Variants in RAB3GAP2 observed in about 807,000 individuals in gnomAD.
The protein encoded by RAB3GAP2 is rab3 GTPase-activating protein non-catalytic subunit.
In RAB3GAP2, 87 loss-of-function variants were observed where a neutral mutation model predicts 185.3. That is an observed-to-expected ratio of 0.47 (90% CI 0.39 to 0.56). RAB3GAP2 has a LOEUF of 0.56. Ranked by LOEUF, RAB3GAP2 falls within the 20% of genes least tolerant of loss-of-function variation. The pLI, the probability that RAB3GAP2 is intolerant of heterozygous loss-of-function variation, is 0.00. For missense variants in RAB3GAP2, 1,492 were observed against 1,638.2 expected, an observed-to-expected ratio of 0.91 and a Z score of 1.54; for synonymous variants, 554 against 576.1, an observed-to-expected ratio of 0.96 and a Z score of 0.55.
chr1:220,243,331 G>A (rs1310568911), intron 1 of RAB3GAP2, among the ~76,000 whole-genome samples: 2 of 148,544 alleles, frequency 1.3e-5, no homozygotes, highest in African/African-American at 5.0e-5. Flanking sequence ...TCCAGCCTGG[G>A]TGACAGAGAG....
intron 3 of RAB3GAP2, 69 bp downstream of exon 3, chr1:220,213,787 C>G: frequency 6.9e-7 from 1 of 1,444,618 alleles, no homozygotes; most frequent in Non-Finnish European, 9.6e-7. Flanking sequence ...ATATTCTTTT[C>G]ACCTAATCCA....
In RAB3GAP2 at chr1:220,154,106, G is replaced by T. The variant is rs763444408; in HGVS notation, c.3556-49C>A. ...ACTGATGAGTGTGGATTATTAAGGG[G>T]GGAGAGGGAGAAAGATTTGTTTAAA... On this transcript the variant is annotated intron_variant, in intron 31 of 34. Transcript: ENST00000358951. The T allele has an allele frequency of 1.9e-6, 3 of 1,604,954 alleles. No individual in the cohort carries two copies. The South Asian group carries it at 3.4e-5, about 18-fold the overall frequency.
chr1:220,191,879 C>T (rs962789452), intron 13 of RAB3GAP2, among the ~76,000 whole-genome samples: 1 of 151,950 alleles, frequency 6.6e-6, no homozygotes, highest in African/African-American at 2.4e-5. Flanking sequence ...CCCTCCTGCT[C>T]TCATTCCCTT....
intron 2 of RAB3GAP2, among the ~76,000 whole-genome samples, chr1:220,220,753 G>A (rs778132372): frequency 3.9e-5 from 6 of 152,144 alleles, no homozygotes; most frequent in African/African-American, 4.8e-5. Flanking sequence ...CACAAGTTCC[G>A]ATGGTTTTAA....
At chr1:220,156,681 T>C (rs1657865104) in intron 31 of RAB3GAP2, among the ~76,000 whole-genome samples, 1 of 152,140 alleles carries the variant, frequency 6.6e-6, no homozygotes, top group Non-Finnish European at 1.5e-5. Context: ...AGGGTTATAG[T>C]CATGGAGAGA....
At chr1:220,222,564 A>G (rs1659327351) in intron 2 of RAB3GAP2, among the ~76,000 whole-genome samples, 1 of 152,214 alleles carries the variant, frequency 6.6e-6, no homozygotes, top group Non-Finnish European at 1.5e-5. Flanking sequence ...ATCACAAAAA[A>G]ACTATAACTT....
At chr1:220,245,462 G>T (rs559857814) in intron 1 of RAB3GAP2, among the ~76,000 whole-genome samples, 7 of 152,184 alleles carry the variant, frequency 4.6e-5, no homozygotes, top group African/African-American at 1.4e-4. Context: ...TTTCAGACAG[G>T]CTTAAAAAAC....
intron 31 of RAB3GAP2, among the ~76,000 whole-genome samples, chr1:220,155,685 C>T (rs920523238): frequency 3.9e-5 from 6 of 151,952 alleles, no homozygotes; most frequent in African/African-American, 1.5e-4. Context: ...ATGGTAGCAC[C>T]GGGATTGTTT....
chr1:220,266,989 A>C (rs1660238208), intron 1 of RAB3GAP2: 1 of 1,610,888 alleles, frequency 6.2e-7, no homozygotes, highest in Non-Finnish European at 8.5e-7. Flanking sequence ...CCAGAGATCC[A>C]CCTTCTCATC....
chr1:220,244,621 C>T (rs1481179103), intron 1 of RAB3GAP2, among the ~76,000 whole-genome samples: 1 of 152,078 alleles, frequency 6.6e-6, no homozygotes, highest in Non-Finnish European at 1.5e-5. Flanking sequence ...AAAAAGAACA[C>T]ATCTGGAGGT....
intron 13 of RAB3GAP2, among the ~76,000 whole-genome samples, chr1:220,192,029 T>G (rs535078075): frequency 7.9e-5 from 12 of 152,240 alleles, no homozygotes; most frequent in African/African-American, 2.9e-4. Context: ...AATTGATCCT[T>G]CTTTCCAAGG....
intron 16 of RAB3GAP2, 142 bp from the exon 17 acceptor site, chr1:220,189,909 A>C: frequency 1.9e-6 from 2 of 1,047,916 alleles, no homozygotes; most frequent in Non-Finnish European, 2.8e-6. Flanking sequence ...TCTTGTTATG[A>C]ATTATAACAC....
chr1:220,257,392 C>A (rs1206987443), intron 1 of RAB3GAP2, among the ~76,000 whole-genome samples: 14 of 148,062 alleles, frequency 9.5e-5, no homozygotes, highest in Admixed American at 1.3e-4. Flanking sequence ...AAAAACAAAA[C>A]AAAAAAAAAC....
At chr1:220,262,133 CA>C (rs554304525) in intron 1 of RAB3GAP2, among the ~76,000 whole-genome samples, 12,408 of 112,282 alleles carry the variant, frequency 0.11, 551 homozygotes, top group South Asian at 0.15. Context: ...ACTAAAAATA[CA>C]AAAAAAAAAA....
At chr1:220,266,890 C>T (rs1162561213) in intron 1 of RAB3GAP2, 17 of 1,592,754 alleles carry the variant, frequency 1.1e-5, no homozygotes, top group Middle Eastern at 1.9e-4. Context: ...ATTCTCAACC[C>T]GTGATATTCT....
intron 1 of RAB3GAP2, among the ~76,000 whole-genome samples, chr1:220,265,195 T>G (rs926707467): frequency 3.2e-4 from 49 of 152,118 alleles, no homozygotes; most frequent in African/African-American, 1.1e-3. Flanking sequence ...AAATAGAGTA[T>G]TTTATATCAT....
At chr1:220,195,435 C>G in intron 10 of RAB3GAP2, 58 bp from the exon 11 acceptor site, 1 of 1,423,108 alleles carries the variant, frequency 7.0e-7, no homozygotes, top group Non-Finnish European at 9.9e-7. Flanking sequence ...AACAAACATA[C>G]TTTCTAAATA....
intron 1 of RAB3GAP2, among the ~76,000 whole-genome samples, chr1:220,236,743 A>G (rs1464646631): frequency 6.6e-6 from 1 of 152,102 alleles, no homozygotes; most frequent in African/African-American, 2.4e-5. Flanking sequence ...ATTCATGTAA[A>G]GAATTCTGTT....
chr1:220,270,450 A>G (rs540898982), intron 1 of RAB3GAP2, among the ~76,000 whole-genome samples: 1 of 152,366 alleles, frequency 6.6e-6, no homozygotes, highest in Non-Finnish European at 1.5e-5. Flanking sequence ...TTACTTGGAC[A>G]TACCATAAAC....
Sources: gnomAD v4.1 joint callset for allele counts (sites outside exome capture counted in the v4.1 genomes callset) on GRCh38, gnomAD v4.1.1 for gene constraint, MANE v1.5 for transcripts, NCBI Gene and HGNC (gene_info 2026-07-23, HGNC 2026-07-21) for gene names.